DUSP3: variants seen among roughly 807,000 people sequenced by gnomAD.
DUSP3 encodes the protein dual specificity phosphatase 3.
Under a neutral mutation model 15.5 loss-of-function variants are expected in DUSP3, and 7 were observed. The ratio of observed to expected loss-of-function variants is 0.45; its 90% CI spans 0.26 to 0.85. The LOEUF (loss-of-function observed/expected upper bound fraction) is 0.85, where lower values mean the gene tolerates loss of function less well. Ranked by LOEUF, DUSP3 falls within the 40% of genes least tolerant of loss-of-function variation. The pLI is 0.18. For missense variants in DUSP3, 209 were observed against 251.7 expected, an observed-to-expected ratio of 0.83 and a Z score of 1.15; for synonymous variants, 86 against 104.2, an observed-to-expected ratio of 0.83 and a Z score of 1.07.
intron 1 of DUSP3, among the ~76,000 whole-genome samples, chr17:43,776,119 G>A (rs929935226): frequency 3.3e-5 from 5 of 152,096 alleles, no homozygotes; most frequent in East Asian, 1.9e-4. Flanking sequence ...ACTCCGTCTC[G>A]AAAAATAAAA....
chr17:43,771,135 T>C (rs1366170143), intron 2 of DUSP3, among the ~76,000 whole-genome samples: 2 of 151,830 alleles, frequency 1.3e-5, no homozygotes, highest in Non-Finnish European at 2.9e-5. Context: ...AAGTCCCTGA[T>C]TATAAAATGA....
At chr17:43,775,703 C>T (rs1226514622) in intron 1 of DUSP3, among the ~76,000 whole-genome samples, 1 of 152,210 alleles carries the variant, frequency 6.6e-6, no homozygotes, top group Non-Finnish European at 1.5e-5. Flanking sequence ...AGCCCCCTCC[C>T]TGCCCCCAGA....
Position 43,769,100 on chromosome 17 carries a change from C to T in DUSP3, c.*509G>A, listed in dbSNP as rs17742347. On this transcript the variant is annotated 3_prime_UTR_variant, in exon 3 of 3. Coordinates refer to ENST00000226004, the MANE Select transcript of DUSP3 (RefSeq NM_004090.4). Reference sequence around the variant, plus strand: ...CTTCGGACCTCAAGACGTGAGAGGGCTGCCTATGCACAGGGTGTGGAAGGC... The same window carrying T: ...CTTCGGACCTCAAGACGTGAGAGGGTTGCCTATGCACAGGGTGTGGAAGGC... 23,316 of 153,440 alleles carry T rather than the reference C, an allele frequency of 0.15. 2,244 individuals carry two copies. The highest frequency in any genetic ancestry group is 0.21 in the Non-Finnish European group (14,359 of 68,618). 9.5% of individuals were successfully genotyped at this position (153,440 alleles called of 1,614,324 possible). A position where few individuals can be genotyped will look rare whatever the true frequency, so the allele number is the denominator to read the frequency against.
intron 1 of DUSP3, among the ~76,000 whole-genome samples, chr17:43,776,086 T>A (rs2154590704): frequency 6.6e-6 from 1 of 152,304 alleles, no homozygotes; most frequent in Middle Eastern, 3.4e-3. Flanking sequence ...GCTATTGCAC[T>A]CTAGCCTGGG....
intron 2 of DUSP3, among the ~76,000 whole-genome samples, chr17:43,771,635 TCAA>T (rs2154590635): frequency 6.6e-6 from 1 of 152,280 alleles, no homozygotes; most frequent in East Asian, 1.9e-4. Context: ...TAGTACACCC[TCAA>T]CTACAGCAGC....
intron 1 of DUSP3, 136 bp downstream of exon 1, chr17:43,778,664 C>CTGTGG: frequency 8.2e-7 from 1 of 1,215,002 alleles, no homozygotes; most frequent in Non-Finnish European, 1.1e-6. Flanking sequence ...CCCTCCCAAG[C>CTGTGG]CCCCGCTGTG....
In DUSP3 at chr17:43,766,495, C is replaced by CT. The variant is rs377616101; in HGVS notation, c.*3113dup. On this transcript the variant is annotated 3_prime_UTR_variant, in exon 3 of 3. Transcript: ENST00000226004. ...CATGTCTTCATATTGAAGATCAGTA[C>CT]TTTTTTTTTTTTTTTTCCTTTAAAA... is the stretch of plus-strand genomic sequence containing the variant. 1.9e-3 allele frequency: 269 copies of CT among 143,156 alleles called. 2 individuals carry two copies. The highest frequency in any genetic ancestry group is 3.7e-3 in the Middle Eastern group (1 of 270). 8.9% of individuals were successfully genotyped at this position (143,156 alleles called of 1,614,324 possible).
chr17:43,778,531 G>T (rs934853277), intron 1 of DUSP3, among the ~76,000 whole-genome samples: 1 of 152,164 alleles, frequency 6.6e-6, no homozygotes, highest in Non-Finnish European at 1.5e-5. Flanking sequence ...AGCGGGTGGC[G>T]GCTGGGACCC....
Position 43,769,398 on chromosome 17 carries a change from C to G in DUSP3, c.*211G>C. On this transcript the variant is annotated 3_prime_UTR_variant, in exon 3 of 3. Transcript: ENST00000226004. ...ATCATAAGTTACAGAAACAGGACAACTGGGGAGCAAGGACGCCCCCCTTGG... is the reference window on the plus strand; with the variant it reads ...ATCATAAGTTACAGAAACAGGACAAGTGGGGAGCAAGGACGCCCCCCTTGG... The G allele has an allele frequency of 1.8e-6, 1 of 564,916 alleles. No homozygotes were observed. Among genetic ancestry groups the G allele is most frequent in the Non-Finnish European group, 3.1e-6 (1 of 324,144 alleles). The allele number at this position is 564,916 out of a possible 1,614,324, so 35.0% of individuals were successfully genotyped here. A position where few individuals can be genotyped will look rare whatever the true frequency, so the allele number is the denominator to read the frequency against.
At chr17:43,772,818 T>C (rs1457507777) in intron 2 of DUSP3, among the ~76,000 whole-genome samples, 1 of 151,986 alleles carries the variant, frequency 6.6e-6, no homozygotes, top group Admixed American at 6.6e-5. Context: ...AAGGTGGAGT[T>C]TGCCAGAGGA....
At chr17:43,770,389 G>T (rs1374040098) in intron 2 of DUSP3, among the ~76,000 whole-genome samples, 2 of 152,208 alleles carry the variant, frequency 1.3e-5, no homozygotes, top group Non-Finnish European at 2.9e-5. Flanking sequence ...TGGGCACAGT[G>T]GCTCACGCCT....
Position 43,769,126 on chromosome 17 carries a change from T to TCG in DUSP3, c.*482_*483insCG. On this transcript the variant is annotated 3_prime_UTR_variant, in exon 3 of 3. Transcript: ENST00000226004. ...TGCCTATGCACAGGGTGTGGAAGGC[T>TCG]GTGGGGACAGTGCAGGGCACAGACG... 1 of 157,708 alleles carries TCG rather than the reference T, an allele frequency of 6.3e-6. No homozygotes were observed. The highest frequency in any genetic ancestry group is 1.4e-5 in the Non-Finnish European group (1 of 71,758). 9.8% of individuals were successfully genotyped at this position (157,708 alleles called of 1,614,324 possible). A position where few individuals can be genotyped will look rare whatever the true frequency, so the allele number is the denominator to read the frequency against.
intron 1 of DUSP3, among the ~76,000 whole-genome samples, chr17:43,775,861 C>T (rs1456171139): frequency 1.3e-5 from 2 of 152,184 alleles, no homozygotes; most frequent in African/African-American, 4.8e-5. Flanking sequence ...CACCTGTAAT[C>T]CCAGCACTCT....
intron 2 of DUSP3, among the ~76,000 whole-genome samples, chr17:43,774,364 C>T (rs1567782407): frequency 6.6e-6 from 1 of 152,128 alleles, no homozygotes; most frequent in Non-Finnish European, 1.5e-5. Flanking sequence ...TGCTCCTTCA[C>T]CTCAGGACTT....
Position 43,774,798 on chromosome 17 carries a change from T to C in DUSP3, c.266A>G (p.Lys89Arg). Reference sequence around the variant, plus strand: ...GTTGAACTCCTGTGTGTCGTTGGCCTTGATGCCCAGGTATGTGATGCCGGA... The same window carrying C: ...GTTGAACTCCTGTGTGTCGTTGGCCCTGATGCCCAGGTATGTGATGCCGGA... ...KDSGITYLGI[K>R]ANDTQEFNLS... The change falls in exon 2 of 3, where the codon AAG becomes AGG. Residue 89 changes from lysine to arginine, a missense_variant. Coordinates refer to ENST00000226004, the MANE Select transcript of DUSP3 (RefSeq NM_004090.4). The C allele has an allele frequency of 1.2e-6, 2 of 1,614,188 alleles. No individual in the cohort carries two copies. The highest frequency in any genetic ancestry group is 8.5e-7 in the Non-Finnish European group (1 of 1,180,022).
Position 43,774,791 on chromosome 17 carries a change from G to A in DUSP3, c.273C>T (p.Asn91=), listed in dbSNP as rs146116274. 219 of 1,614,158 alleles carry A rather than the reference G, an allele frequency of 1.4e-4. 1 individual carries two copies. In the Middle Eastern group the frequency reaches 2.1e-3, roughly 16 times the overall value. Residue 91 remains asparagine, a synonymous_variant, in exon 2 of 3, where the codon AAC becomes AAT. Transcript: ENST00000226004. ...CGCTGAGGTTGAACTCCTGTGTGTC[G>A]TTGGCCTTGATGCCCAGGTATGTGA... ...SGITYLGIKA[N]DTQEFNLSAY... is the part of the protein sequence containing the mutation.
chr17:43,774,696 GT>G lies in DUSP3; in HGVS notation c.352+15del, dbSNP rs773672511. 1 of 1,613,450 alleles carries G rather than the reference GT, an allele frequency of 6.2e-7. No individual in the cohort carries two copies. Among genetic ancestry groups the G allele is most frequent in the African/African-American group, 1.3e-5 (1 of 75,036 alleles). The stretch of plus-strand genomic sequence containing the variant: ...CAGAGCTGCCTCCCATCTTTTCCTG[GT>G]GGGAGGTCCCTTACCATTCTTTTGA... On this transcript the variant is annotated intron_variant, in intron 2 of 2. Coordinates refer to ENST00000226004, the MANE Select transcript of DUSP3 (RefSeq NM_004090.4).
chr17:43,774,613 A>G, intron 2 of DUSP3, 99 bp downstream of exon 2: 2 of 1,304,118 alleles, frequency 1.5e-6, no homozygotes, highest in Non-Finnish European at 2.2e-6. Flanking sequence ...GATGGGAAAC[A>G]AGGGAGTTTC....
chr17:43,772,853 C>A (rs1375799843), intron 2 of DUSP3, among the ~76,000 whole-genome samples: 5 of 152,054 alleles, frequency 3.3e-5, no homozygotes, highest in African/African-American at 1.2e-4. Flanking sequence ...GCAGAGAGAA[C>A]TTTTCAGACT....
Sources: allele counts gnomAD v4.1 joint callset (sites outside exome capture counted in the v4.1 genomes callset), GRCh38; gene constraint gnomAD v4.1.1; transcripts MANE v1.5; gene names NCBI Gene and HGNC (gene_info 2026-07-23, HGNC 2026-07-21).